SLC9A9: variants seen among roughly 807,000 people sequenced by gnomAD.
The protein encoded by SLC9A9 is solute carrier family 9 member A9.
In SLC9A9, 62 loss-of-function variants were observed where a neutral mutation model predicts 77.8. The observed-to-expected ratio is 0.80, with a 90% CI of 0.65 to 0.98. SLC9A9 has a LOEUF of 0.98. Ranked by LOEUF, SLC9A9 falls within the 50% of genes least tolerant of loss-of-function variation. The pLI, the probability that SLC9A9 is intolerant of heterozygous loss-of-function variation, is 0.00. For synonymous variants in SLC9A9, 320 were observed against 283.5 expected (o/e 1.13, Z -1.29); for missense variants, 775 against 774.9 (o/e 1.00, Z 0.00).
intron 5 of SLC9A9, among the ~76,000 whole-genome samples, chr3:143,673,099 T>C (rs1198358001): frequency 2.0e-5 from 3 of 152,138 alleles, no homozygotes; most frequent in African/African-American, 7.2e-5. Flanking sequence ...TAAATGAAAA[T>C]AATGACTTGC....
chr3:143,729,926 T>C (rs541574911), intron 4 of SLC9A9, among the ~76,000 whole-genome samples: 2 of 152,358 alleles, frequency 1.3e-5, no homozygotes, highest in East Asian at 3.9e-4. Flanking sequence ...GTAAATATGT[T>C]TTATTATAAT....
intron 4 of SLC9A9, among the ~76,000 whole-genome samples, chr3:143,786,076 C>G (rs903806262): frequency 4.6e-5 from 7 of 151,750 alleles, no homozygotes; most frequent in Admixed American, 4.6e-4. Flanking sequence ...AGGATGGTCT[C>G]GATCTCCTGA....
chr3:143,746,981 CT>C lies in SLC9A9; in HGVS notation c.533+48019del, dbSNP rs1486354888. Among the ~76,000 whole-genome samples, 4 of 152,064 alleles carry C rather than the reference CT, an allele frequency of 2.6e-5. No homozygotes were observed. In the South Asian group the frequency reaches 8.3e-4, roughly 32 times the overall value. On this transcript the variant is annotated intron_variant, in intron 4 of 15. Coordinates refer to ENST00000316549, the MANE Select transcript of SLC9A9 (RefSeq NM_173653.4). ...CTTCAAACGCGACATATTTTTAAGC[CT>C]TTTTTCCCCCTCAAATGCCGTAATT...
chr3:143,327,569 G>A (rs1264987314), intron 14 of SLC9A9, among the ~76,000 whole-genome samples: 1 of 152,118 alleles, frequency 6.6e-6, no homozygotes, highest in Non-Finnish European at 1.5e-5. Flanking sequence ...GAACTTAGAA[G>A]CATTTTCCTC....
intron 6 of SLC9A9, among the ~76,000 whole-genome samples, chr3:143,591,433 T>C (rs760795786): frequency 2.6e-5 from 4 of 152,262 alleles, no homozygotes; most frequent in African/African-American, 4.8e-5. Context: ...TTTGCTTCTA[T>C]GTAATATTCT....
intron 2 of SLC9A9, among the ~76,000 whole-genome samples, chr3:143,813,994 A>G (rs2008938231): frequency 6.6e-6 from 1 of 152,198 alleles, no homozygotes; most frequent in Non-Finnish European, 1.5e-5. Flanking sequence ...ATAGAATGGA[A>G]AGAAAGAAAC....
At chr3:143,702,854 C>T (rs970773471) in intron 4 of SLC9A9, among the ~76,000 whole-genome samples, 1 of 151,852 alleles carries the variant, frequency 6.6e-6, no homozygotes, top group Admixed American at 6.6e-5. Context: ...TAAAAGTACA[C>T]ATAGACTGAA....
intron 4 of SLC9A9, among the ~76,000 whole-genome samples, chr3:143,729,169 A>T (rs115817468): frequency 9.2e-5 from 14 of 152,042 alleles, no homozygotes; most frequent in African/African-American, 3.4e-4. Flanking sequence ...TTATGCATCA[A>T]CTCCCTAAGG....
At chr3:143,432,092 A>G (rs1461689155) in intron 12 of SLC9A9, among the ~76,000 whole-genome samples, 1 of 152,030 alleles carries the variant, frequency 6.6e-6, no homozygotes, top group African/African-American at 2.4e-5. Flanking sequence ...CTGATATACT[A>G]TATAATTTGC....
chr3:143,393,778 G>A (rs994761943), intron 12 of SLC9A9, among the ~76,000 whole-genome samples: 50 of 151,736 alleles, frequency 3.3e-4, no homozygotes, highest in Admixed American at 4.6e-4. Context: ...TATCACCACC[G>A]ATCCCACAGA....
intron 2 of SLC9A9, among the ~76,000 whole-genome samples, chr3:143,825,691 G>A (rs1430170726): frequency 6.6e-6 from 1 of 152,202 alleles, no homozygotes; most frequent in Non-Finnish European, 1.5e-5. Context: ...AAGCGATAGT[G>A]TCTACTTGTC....
At chr3:143,811,539 CCCTATTTTT>C (rs2008864092) in intron 2 of SLC9A9, among the ~76,000 whole-genome samples, 1 of 151,998 alleles carries the variant, frequency 6.6e-6, no homozygotes. Context: ...TGGTACCCAG[CCCTATTTTT>C]CAAGAAGTGT....
chr3:143,806,065 TC>T (rs1221293125), intron 2 of SLC9A9, among the ~76,000 whole-genome samples: 1 of 150,044 alleles, frequency 6.7e-6, no homozygotes, highest in East Asian at 2.0e-4. Flanking sequence ...TTTATTCTTT[TC>T]CCCCCCACCT....
At chr3:143,405,043 A>G (rs1308753242) in intron 12 of SLC9A9, among the ~76,000 whole-genome samples, 1 of 152,156 alleles carries the variant, frequency 6.6e-6, no homozygotes, top group Non-Finnish European at 1.5e-5. Flanking sequence ...TCATCCAGGC[A>G]CTAGTAGCTC....
rs113905193 is a variant in SLC9A9, at chr3:143,732,530, C to T, written c.534-39223G>A. 5.0e-3 allele frequency among the ~76,000 whole-genome samples: 767 copies of T among 152,262 alleles called. 6 individuals carry two copies. The highest frequency in any genetic ancestry group is 0.018 in the African/African-American group (745 of 41,544). On this transcript the variant is annotated intron_variant, in intron 4 of 15. Coordinates refer to ENST00000316549, the MANE Select transcript of SLC9A9 (RefSeq NM_173653.4). Reference sequence around the variant, plus strand: ...CTTTCTACAATGTTGCCTTCAGTTGCGCGTGTGACTGTCTCAATGAGACCC... The same window carrying T: ...CTTTCTACAATGTTGCCTTCAGTTGTGCGTGTGACTGTCTCAATGAGACCC...
chr3:143,419,528 C>G lies in SLC9A9; in HGVS notation c.1470-37414G>C, dbSNP rs146198550. Among the ~76,000 whole-genome samples, 1,159 of 152,284 alleles carry G rather than the reference C, an allele frequency of 7.6e-3. 12 individuals carry two copies. Among genetic ancestry groups the G allele is most frequent in the African/African-American group, 0.023 (945 of 41,566 alleles). ...CTAACGGTGCTATCTCCTTCCGTTT[C>G]TATCAGTTTACGTTTATCTCCCTCT... is the stretch of plus-strand genomic sequence containing the variant. On this transcript the variant is annotated intron_variant, in intron 12 of 15. Transcript: ENST00000316549.
intron 6 of SLC9A9, among the ~76,000 whole-genome samples, chr3:143,614,757 T>A (rs2038076901): frequency 6.6e-6 from 1 of 152,196 alleles, no homozygotes; most frequent in Non-Finnish European, 1.5e-5. Context: ...TATGGTAACC[T>A]TTTATGTATC....
At chr3:143,276,581 A>AT (rs147993040) in intron 14 of SLC9A9, among the ~76,000 whole-genome samples, 4,610 of 152,310 alleles carry the variant, frequency 0.03, 93 homozygotes, top group Middle Eastern at 0.061. Context: ...TTACCAAGGA[A>AT]TAGGAGAAAC....
intron 6 of SLC9A9, among the ~76,000 whole-genome samples, chr3:143,646,132 A>G (rs375450775): frequency 1.1e-4 from 17 of 152,212 alleles, no homozygotes; most frequent in African/African-American, 4.1e-4. Flanking sequence ...TTGGGACCAG[A>G]GTCTATCATA....
Sources: allele counts gnomAD v4.1 joint callset (sites outside exome capture counted in the v4.1 genomes callset), GRCh38; gene constraint gnomAD v4.1.1; transcripts MANE v1.5; gene names NCBI Gene and HGNC (gene_info 2026-07-23, HGNC 2026-07-21).